NYAP2: variants seen among roughly 807,000 people sequenced by gnomAD.
NYAP2 encodes the protein neuronal tyrosine-phosphorylated phosphoinositide-3-kinase adapter 2.
In NYAP2, 23 loss-of-function variants were observed where a neutral mutation model predicts 50.4. That is an observed-to-expected ratio of 0.46 (90% confidence interval 0.33 to 0.65). NYAP2 has a LOEUF of 0.65. NYAP2 is among the 30% of genes least tolerant of loss of function. The pLI is 0.02. For synonymous variants in NYAP2, 394 were observed against 365.2 expected, an observed-to-expected ratio of 1.08 and a Z score of -0.90; for missense variants, 885 against 861.0, an observed-to-expected ratio of 1.03 and a Z score of -0.35.
At chr2:225,612,701 C>A (rs905107570) in intron 5 of NYAP2, among the ~76,000 whole-genome samples, 1 of 151,934 alleles carries the variant, frequency 6.6e-6, no homozygotes, top group African/African-American at 2.4e-5. Context: ...GCACTGCTGT[C>A]CCTTCCTTTT....
the NYAP2 span, among the ~76,000 whole-genome samples, chr2:225,676,117 A>G: frequency 0.028 from 4,233 of 152,068 alleles, 224 homozygotes; most frequent in African/African-American, 0.096. Flanking sequence ...TGTTTACTCT[A>G]TTGGTAATTT....
chr2:225,667,235 G>A, the NYAP2 span, among the ~76,000 whole-genome samples: 2 of 151,350 alleles, frequency 1.3e-5, no homozygotes, highest in African/African-American at 4.8e-5. Flanking sequence ...ACAAACTCCT[G>A]TGTTCAAAGA....
At chr2:225,418,569 GC>G (rs1695162410) in intron 3 of NYAP2, among the ~76,000 whole-genome samples, 1 of 152,104 alleles carries the variant, frequency 6.6e-6, no homozygotes, top group Non-Finnish European at 1.5e-5. Context: ...GTGAAAGCAA[GC>G]AAAAAGGATG....
the NYAP2 span, among the ~76,000 whole-genome samples, chr2:225,691,120 A>G: frequency 2.6e-5 from 4 of 152,092 alleles, no homozygotes; most frequent in African/African-American, 9.7e-5. Context: ...AGTTTTTCAG[A>G]TAGTTTATGC....
chr2:225,519,790 A>G (rs1395876097), intron 4 of NYAP2, among the ~76,000 whole-genome samples: 1 of 152,136 alleles, frequency 6.6e-6, no homozygotes, highest in East Asian at 1.9e-4. Context: ...TATACCCAGT[A>G]ATGGGATGGC....
chr2:225,525,139 T>G (rs975045325), intron 4 of NYAP2, among the ~76,000 whole-genome samples: 3 of 152,200 alleles, frequency 2.0e-5, no homozygotes, highest in Non-Finnish European at 2.9e-5. Flanking sequence ...AGTTGGAATA[T>G]GTATTAGTAC....
At chr2:225,692,791 T>C in the NYAP2 span, among the ~76,000 whole-genome samples, 1 of 152,012 alleles carries the variant, frequency 6.6e-6, no homozygotes, top group African/African-American at 2.4e-5. Context: ...GATACCATGT[T>C]GCTTCCTTTT....
the NYAP2 span, among the ~76,000 whole-genome samples, chr2:225,677,935 A>C: frequency 9.2e-5 from 14 of 152,026 alleles, no homozygotes; most frequent in Non-Finnish European, 1.0e-4. Context: ...TTTTAGAATG[A>C]GTTAGGGAGA....
intron 3 of NYAP2, among the ~76,000 whole-genome samples, chr2:225,478,713 G>C (rs1474448504): frequency 3.3e-5 from 5 of 152,156 alleles, no homozygotes; most frequent in African/African-American, 4.8e-5. Context: ...AAAATACAAT[G>C]GTCCTGAAAG....
chr2:225,612,033 C>G (rs1692895743), intron 5 of NYAP2, among the ~76,000 whole-genome samples: 1 of 150,080 alleles, frequency 6.7e-6, no homozygotes, highest in South Asian at 2.1e-4. Flanking sequence ...TCTTTGTTTT[C>G]TGTCTTGTTT....
Position 225,574,388 on chromosome 2 carries a change from CA to C in NYAP2, c.524-7547del, listed in dbSNP as rs1196277971. 4.6e-5 allele frequency among the ~76,000 whole-genome samples: 7 copies of C among 152,094 alleles called. No homozygotes were observed. In the East Asian group the frequency reaches 1.4e-3, roughly 29 times the overall value. ...TGTCCAGTTCTCCCTACTCTGAGGGCAAAAAAGATTGTTGATAAGGGCTCAA... is the reference window on the plus strand; with the variant it reads ...TGTCCAGTTCTCCCTACTCTGAGGGCAAAAAGATTGTTGATAAGGGCTCAA... On this transcript the variant is annotated intron_variant, in intron 4 of 6. Coordinates refer to ENST00000636099, the Ensembl canonical transcript of NYAP2.
At chr2:225,564,689 A>G (rs1691932708) in intron 4 of NYAP2, among the ~76,000 whole-genome samples, 2 of 152,054 alleles carry the variant, frequency 1.3e-5, no homozygotes, top group Admixed American at 1.3e-4. Context: ...TAAATATAAA[A>G]AAAAAAAACA....
chr2:225,568,367 C>A (rs1434344493), intron 4 of NYAP2, among the ~76,000 whole-genome samples: 1 of 152,146 alleles, frequency 6.6e-6, no homozygotes, highest in Non-Finnish European at 1.5e-5. Context: ...TATTCCTTCA[C>A]TGACCACTCT....
chr2:225,581,422 A>G (rs1405031778), intron 4 of NYAP2, among the ~76,000 whole-genome samples: 2 of 152,358 alleles, frequency 1.3e-5, no homozygotes, highest in East Asian at 3.9e-4. Context: ...TATTTGAACC[A>G]AGACAGATTT....
chr2:225,474,307 C>T (rs1180767126), intron 3 of NYAP2, among the ~76,000 whole-genome samples: 6 of 151,978 alleles, frequency 3.9e-5, no homozygotes, highest in Non-Finnish European at 2.9e-5. Flanking sequence ...TTTTTTGGTT[C>T]CATATGAACT....
At chr2:225,659,028 T>A in the NYAP2 span, among the ~76,000 whole-genome samples, 1 of 152,214 alleles carries the variant, frequency 6.6e-6, no homozygotes, top group Non-Finnish European at 1.5e-5. Context: ...AACAAGCTCA[T>A]GCCTGCCGCC....
At chr2:225,414,301 AAGAG>A (rs921577132) in intron 3 of NYAP2, among the ~76,000 whole-genome samples, 1 of 152,210 alleles carries the variant, frequency 6.6e-6, no homozygotes, top group African/African-American at 2.4e-5. Context: ...TTTGGTGAGA[AAGAG>A]AGAAAAAGAC....
intron 3 of NYAP2, among the ~76,000 whole-genome samples, chr2:225,414,655 G>A (rs1450880877): frequency 1.3e-5 from 2 of 151,974 alleles, no homozygotes. Flanking sequence ...CCTTAAGGCG[G>A]TACCTGGGTG....
rs1695072111 is a variant in NYAP2 at position 225,413,005 on chromosome 2, T to C, written c.221+3904T>C. Among the ~76,000 whole-genome samples the C allele has an allele frequency of 3.3e-5, 5 of 152,240 alleles. No homozygotes were observed. In the South Asian group the frequency reaches 1.0e-3, roughly 32 times the overall value. On this transcript the variant is annotated intron_variant, in intron 3 of 6. Coordinates refer to ENST00000636099, the Ensembl canonical transcript of NYAP2. ...AGGTCAATCATATCTCAAACACTATTTTATTACTATCCTCACAGTCAGCAC... is the reference window on the plus strand; with the variant it reads ...AGGTCAATCATATCTCAAACACTATCTTATTACTATCCTCACAGTCAGCAC...
Sources: allele counts gnomAD v4.1 joint callset (sites outside exome capture counted in the v4.1 genomes callset), GRCh38; gene constraint gnomAD v4.1.1; transcripts MANE v1.5; gene names NCBI Gene and HGNC (gene_info 2026-07-23, HGNC 2026-07-21).